TRIM2: variants seen among roughly 807,000 people sequenced by gnomAD.
TRIM2 encodes the protein tripartite motif containing 2, also known as tripartite motif-containing protein 2.
Under a neutral mutation model 75.2 loss-of-function variants are expected in TRIM2, and 20 were observed. The observed-to-expected ratio is 0.27, with a 90% confidence interval of 0.19 to 0.39. The LOEUF is 0.39. Among genes scored for constraint, TRIM2 ranks in the 10% least tolerant of loss-of-function variants. The pLI, the probability that TRIM2 is intolerant of heterozygous loss-of-function variation, is 1.00. For synonymous variants in TRIM2, 373 were observed against 388.3 expected (o/e 0.96, Z 0.46); for missense variants, 660 against 990.8 (o/e 0.67, Z 4.48).
chr4:153,333,950 C>T (rs1304860221), intron 11 of TRIM2, among the ~76,000 whole-genome samples: 1 of 151,914 alleles, frequency 6.6e-6, no homozygotes, highest in East Asian at 1.9e-4. Context: ...ATGGCTTTAC[C>T]TGTTGAACCA....
At chr4:153,236,741 G>A (rs1745145756) in intron 1 of TRIM2, among the ~76,000 whole-genome samples, 1 of 151,024 alleles carries the variant, frequency 6.6e-6, no homozygotes, top group Non-Finnish European at 1.5e-5. Context: ...ACCTTGGCTG[G>A]AGTGCAGTGG....
At chr4:153,316,764 T>C (rs1157150013) in intron 8 of TRIM2, among the ~76,000 whole-genome samples, 1 of 151,958 alleles carries the variant, frequency 6.6e-6, no homozygotes, top group Non-Finnish European at 1.5e-5. Context: ...ATCTCTCTTA[T>C]GAAGTGTCAT....
chr4:153,257,319 T>G lies in TRIM2; in HGVS notation c.31-13016T>G, dbSNP rs1157650538. ...AGAGGGAAAGCAAGCCACCCACGAATCTCATTGCAGCTCGCTGCTGCATCC... is the reference window on the plus strand; with the variant it reads ...AGAGGGAAAGCAAGCCACCCACGAAGCTCATTGCAGCTCGCTGCTGCATCC... On this transcript the variant is annotated intron_variant, in intron 1 of 11. Coordinates refer to ENST00000338700, the MANE Select transcript of TRIM2 (RefSeq NM_015271.5). The G allele has an allele frequency of 4.9e-6, 4 of 809,742 alleles. No homozygotes were observed. In the East Asian group the frequency reaches 3.8e-4, roughly 78 times the overall value. The allele number at this position is 809,742 out of a possible 1,614,324, so 50.2% of individuals were successfully genotyped here. A position where few individuals can be genotyped will look rare whatever the true frequency, so the allele number is the denominator to read the frequency against.
At chr4:153,242,296 C>T (rs1746836878) in intron 1 of TRIM2, among the ~76,000 whole-genome samples, 1 of 151,352 alleles carries the variant, frequency 6.6e-6, no homozygotes, top group African/African-American at 2.4e-5. Flanking sequence ...GGTACTTAGC[C>T]TTGGTCTATT....
At chr4:153,324,015 T>C in intron 9 of TRIM2, 63 bp from the exon 10 acceptor site, 1 of 1,282,000 alleles carries the variant, frequency 7.8e-7, no homozygotes, top group Non-Finnish European at 1.1e-6. Flanking sequence ...TTTGTTACAG[T>C]AACTGCTATA....
intron 1 of TRIM2, among the ~76,000 whole-genome samples, chr4:153,268,972 T>G (rs540372626): frequency 7.9e-4 from 120 of 152,320 alleles, no homozygotes; most frequent in African/African-American, 2.8e-3. Flanking sequence ...CTATAAACCT[T>G]TAGTCCTGAA....
intron 11 of TRIM2, among the ~76,000 whole-genome samples, 161 bp downstream of exon 11, chr4:153,328,831 GA>G (rs557801332): frequency 2.6e-5 from 4 of 152,116 alleles, no homozygotes; most frequent in Non-Finnish European, 5.9e-5. Context: ...AGATGGAGTA[GA>G]AAAAATGTTA....
chr4:153,317,967 A>T (rs894733367), intron 8 of TRIM2, among the ~76,000 whole-genome samples: 3 of 152,246 alleles, frequency 2.0e-5, no homozygotes, highest in Non-Finnish European at 2.9e-5. Flanking sequence ...CTCAAAAGAA[A>T]AAAAAGACCT....
At chr4:153,244,355 C>CCTCTTCTTCTTCT (rs1748075400) in intron 1 of TRIM2, among the ~76,000 whole-genome samples, 1 of 12,710 alleles carries the variant, frequency 7.9e-5, no homozygotes, top group Non-Finnish European at 1.3e-4. Context: ...CTTCTTCTTC[C>CCTCTTCTTCTTCT]TCTTCTTCTT....
intron 11 of TRIM2, among the ~76,000 whole-genome samples, chr4:153,329,633 C>T (rs1374651068): frequency 1.3e-5 from 2 of 151,592 alleles, no homozygotes; most frequent in East Asian, 1.9e-4. Flanking sequence ...GTCAGGAGTT[C>T]GAGACAAGCT....
At chr4:153,297,037 G>A (rs1328454011) in intron 6 of TRIM2, among the ~76,000 whole-genome samples, 1 of 152,184 alleles carries the variant, frequency 6.6e-6, no homozygotes, top group African/African-American at 2.4e-5. Flanking sequence ...GATGTACATT[G>A]TAGGTCTCTG....
chr4:153,285,835 T>C (rs1210086965), intron 3 of TRIM2, among the ~76,000 whole-genome samples: 1 of 152,224 alleles, frequency 6.6e-6, no homozygotes, highest in African/African-American at 2.4e-5. Flanking sequence ...AGAGAAATTC[T>C]TAATTCTTCC....
intron 1 of TRIM2, among the ~76,000 whole-genome samples, chr4:153,246,230 ATC>A (rs1475083970): frequency 6.6e-6 from 1 of 152,352 alleles, no homozygotes; most frequent in African/African-American, 2.4e-5. Flanking sequence ...TATAAAAAGT[ATC>A]TCTTTTAAAA....
intron 1 of TRIM2, among the ~76,000 whole-genome samples, chr4:153,182,973 C>T (rs942445644): frequency 8.5e-5 from 13 of 152,178 alleles, no homozygotes; most frequent in Non-Finnish European, 1.6e-4. Context: ...TAATTTCCCC[C>T]GGGTGCTTGT....
chr4:153,327,307 T>C (rs1770465444), intron 10 of TRIM2, among the ~76,000 whole-genome samples: 2 of 152,190 alleles, frequency 1.3e-5, no homozygotes, highest in South Asian at 4.1e-4. Flanking sequence ...CCTGTAGAGA[T>C]GGAAGTGTCC....
upstream of TRIM2, among the ~76,000 whole-genome samples, chr4:153,203,141 A>C (rs1223809173): frequency 6.6e-6 from 1 of 151,164 alleles, no homozygotes; most frequent in Non-Finnish European, 1.5e-5. Flanking sequence ...GAATTTAGTT[A>C]AGTTTGGGAG....
At chr4:153,317,871 G>A (rs957203621) in intron 8 of TRIM2, among the ~76,000 whole-genome samples, 1 of 152,076 alleles carries the variant, frequency 6.6e-6, no homozygotes, top group Non-Finnish European at 1.5e-5. Flanking sequence ...GAGGTGGGAG[G>A]ATTGCTTGAG....
intron 1 of TRIM2, among the ~76,000 whole-genome samples, chr4:153,266,667 G>A (rs925293126): frequency 6.7e-5 from 6 of 89,980 alleles, no homozygotes; most frequent in African/African-American, 3.2e-4. Context: ...GTATTTTTTT[G>A]TAGAAATGGG....
At chr4:153,214,253 G>A (rs1318486635) in intron 1 of TRIM2, among the ~76,000 whole-genome samples, 25 of 152,278 alleles carry the variant, frequency 1.6e-4, no homozygotes, top group Admixed American at 1.5e-3. Flanking sequence ...GACTCTAAAA[G>A]TTAGATAAGC....
Sources: allele counts gnomAD v4.1 joint callset (sites outside exome capture counted in the v4.1 genomes callset), GRCh38; gene constraint gnomAD v4.1.1; transcripts MANE v1.5; gene names NCBI Gene and HGNC (gene_info 2026-07-23, HGNC 2026-07-21).